Variants in SPG7 observed in about 807,000 individuals in gnomAD.
SPG7 encodes the protein mitochondrial inner membrane m-AAA protease component paraplegin.
A neutral mutation model predicts 81.9 loss-of-function variants in SPG7; 103 were observed. The ratio of observed to expected loss-of-function variants is 1.26; its 90% confidence interval spans 1.07 to 1.48. SPG7 has a LOEUF of 1.48. Ranked by LOEUF, SPG7 falls within the 40% of genes most tolerant of loss-of-function variation. The pLI is 0.00. For missense variants in SPG7, 1,241 were observed against 1,087.3 expected (o/e 1.14, Z -1.99); for synonymous variants, 534 against 444.2 (o/e 1.20, Z -2.54).
chr16:89,514,935 C>CTTTTT (rs56327708), intron 3 of SPG7, among the ~76,000 whole-genome samples: 1 of 122,536 alleles, frequency 8.2e-6, no homozygotes, highest in Non-Finnish European at 1.7e-5. Context: ...TGGCCTTGAC[C>CTTTTT]TTTTTTTTTT....
rs149632971 is a variant in SPG7 at position 89,531,225 on chromosome 16, CAT to C, written c.987+418_987+419del. The C allele has an allele frequency of 7.2e-3, 2,492 of 347,126 alleles. 52 individuals carry two copies. Among genetic ancestry groups the C allele is most frequent in the African/African-American group, 0.044 (2,058 of 46,844 alleles). The allele number at this position is 347,126 out of a possible 1,614,324, so 21.5% of individuals were successfully genotyped here. ...TAGTCCTGGCACCTCGAGGGGCTGACATGTGTTCCCTCTGCAGGCCTGGTACA... is the reference window on the plus strand; with the variant it reads ...TAGTCCTGGCACCTCGAGGGGCTGACGTGTTCCCTCTGCAGGCCTGGTACA... On this transcript the variant is annotated intron_variant, in intron 7 of 16. Coordinates refer to ENST00000645818, the MANE Select transcript of SPG7 (RefSeq NM_003119.4).
At chr16:89,517,444 A>C (rs1038876590) in intron 3 of SPG7, 3 of 152,290 alleles carry the variant, frequency 2.0e-5, no homozygotes, top group Admixed American at 2.0e-4. Flanking sequence ...GGCATGTGGT[A>C]GGTGCTTGTC....
chr16:89,553,677 C>G, intron 14 of SPG7, 117 bp from the exon 15 acceptor site: 2 of 1,002,506 alleles, frequency 2.0e-6, no homozygotes, highest in Admixed American at 3.8e-5. Context: ...GGTGGGTCCT[C>G]GGGAGGAAGG....
chr16:89,525,818 C>G (rs1016265464), intron 4 of SPG7, among the ~76,000 whole-genome samples: 4 of 152,104 alleles, frequency 2.6e-5, no homozygotes, highest in South Asian at 2.1e-4. Context: ...TTTTGCCATC[C>G]TCAGTCCCGT....
intron 5 of SPG7, among the ~76,000 whole-genome samples, chr16:89,528,035 C>CAG (rs1389604235): frequency 6.6e-6 from 1 of 152,048 alleles, no homozygotes; most frequent in Non-Finnish European, 1.5e-5. Flanking sequence ...CAGTGATGTA[C>CAG]AGAAGATGGA....
chr16:89,545,157 G>A, intron 10 of SPG7: 1 of 351,376 alleles, frequency 2.8e-6, no homozygotes, highest in Non-Finnish European at 5.6e-6. Flanking sequence ...TTCTTGTGTG[G>A]CATCACTTCC....
intron 9 of SPG7, chr16:89,536,762 C>T (rs777038912): frequency 1.2e-6 from 2 of 1,613,800 alleles, no homozygotes; most frequent in Non-Finnish European, 1.7e-6. Context: ...CTTCTCCAAC[C>T]AGGTGCCTCT....
At chr16:89,548,540 T>G (rs1597659043) in intron 12 of SPG7, 3 of 307,276 alleles carry the variant, frequency 9.8e-6, no homozygotes, top group Non-Finnish European at 1.9e-5. Flanking sequence ...AGCCGTGCTT[T>G]CAGCGCAGCA....
At chr16:89,524,393 C>T in intron 4 of SPG7, 146 bp downstream of exon 4, 3 of 924,998 alleles carry the variant, frequency 3.2e-6, no homozygotes, top group Non-Finnish European at 4.9e-6. Context: ...GGGCATGCTT[C>T]TTTCTCATGC....
chr16:89,524,306 G>C (rs1477858966), intron 4 of SPG7, 59 bp downstream of exon 4: 13 of 1,565,000 alleles, frequency 8.3e-6, no homozygotes, highest in Non-Finnish European at 1.1e-5. Flanking sequence ...GGCAGCCTGT[G>C]AGAGTGAGGC....
chr16:89,542,669 C>T (rs1048292070), intron 9 of SPG7, among the ~76,000 whole-genome samples: 4 of 152,134 alleles, frequency 2.6e-5, no homozygotes, highest in African/African-American at 9.7e-5. Flanking sequence ...TAGTGAGGCT[C>T]AGGACAGTGG....
At chr16:89,552,117 G>A (rs1251111227) in intron 13 of SPG7, 2 of 152,232 alleles carry the variant, frequency 1.3e-5, no homozygotes, top group Non-Finnish European at 2.9e-5. Context: ...GGAGTCCAGT[G>A]GTGCGATCAC....
intron 9 of SPG7, chr16:89,533,513 C>A: frequency 6.6e-6 from 1 of 152,014 alleles, no homozygotes; most frequent in Non-Finnish European, 1.5e-5. Context: ...CAGCAAAACC[C>A]AGAGGGACTG....
intron 3 of SPG7, chr16:89,519,843 A>T (rs1331175914): frequency 1.3e-5 from 2 of 152,264 alleles, no homozygotes; most frequent in African/African-American, 4.8e-5. Context: ...TCCAAGTGGG[A>T]TGAGCCTGAT....
chr16:89,531,859 C>T, intron 7 of SPG7, 45 bp from the exon 8 acceptor site: 5 of 1,609,472 alleles, frequency 3.1e-6, no homozygotes, highest in Non-Finnish European at 3.4e-6. Flanking sequence ...AACAAAAAAA[C>T]GGAATCCCCA....
In SPG7 at chr16:89,530,424, G is replaced by A. The variant is rs186697272; in HGVS notation, c.862-259G>A. The A allele has an allele frequency of 5.3e-4, 275 of 517,458 alleles. 1 individual carries two copies. The highest frequency in any genetic ancestry group is 4.8e-3 in the African/African-American group (249 of 52,192). The allele number at this position is 517,458 out of a possible 1,614,324, so 32.1% of individuals were successfully genotyped here. A position where few individuals can be genotyped will look rare whatever the true frequency, so the allele number is the denominator to read the frequency against. On this transcript the variant is annotated intron_variant, in intron 6 of 16. Coordinates refer to ENST00000645818, the MANE Select transcript of SPG7 (RefSeq NM_003119.4). ...CTCCCAAAGTGCTAGGATTACAGGC[G>A]TGAGCCACCATGCCTGGCTGAGTAA...
In SPG7 at chr16:89,508,960, G is replaced by C. The variant is rs75386303; in HGVS notation, c.183+360G>C. On this transcript the variant is annotated intron_variant, in intron 1 of 16. Coordinates refer to ENST00000645818, the MANE Select transcript of SPG7 (RefSeq NM_003119.4). ...CAGTCCACGCCTGTGGATCGATTCC[G>C]TCACCAGGAATTCCAGCGCCTTCCA... is the stretch of plus-strand genomic sequence containing the variant. 3.6e-4 allele frequency: 181 copies of C among 498,874 alleles called. 2 individuals carry two copies. The highest frequency in any genetic ancestry group is 2.8e-3 in the African/African-American group (147 of 51,878). 30.9% of individuals were successfully genotyped at this position (498,874 alleles called of 1,614,324 possible). A position where few individuals can be genotyped will look rare whatever the true frequency, so the allele number is the denominator to read the frequency against.
In SPG7 at chr16:89,529,420, C is replaced by T. The variant is rs527828481; in HGVS notation, c.759-57C>T. On this transcript the variant is annotated intron_variant, in intron 5 of 16. Transcript: ENST00000645818. ...CCAGCAGTGGTTCTGATTTGGAAGC[C>T]TGCGTCTGTCACGTGACACCGTCTG... The T allele has an allele frequency of 5.4e-5, 62 of 1,155,974 alleles. 1 individual carries two copies. The South Asian group carries it at 7.9e-4, about 15-fold the overall frequency. The allele number at this position is 1,155,974 out of a possible 1,614,324, so 71.6% of individuals were successfully genotyped here. A position where few individuals can be genotyped will look rare whatever the true frequency, so the allele number is the denominator to read the frequency against.
intron 9 of SPG7, chr16:89,537,385 G>A (rs1000039255): frequency 9.1e-6 from 10 of 1,103,588 alleles, no homozygotes; most frequent in East Asian, 6.6e-5. Flanking sequence ...GGGGAGCGTC[G>A]GCGCTGACCA....
Sources: allele counts gnomAD v4.1 joint callset (sites outside exome capture counted in the v4.1 genomes callset), GRCh38; gene constraint gnomAD v4.1.1; transcripts MANE v1.5; gene names NCBI Gene and HGNC (gene_info 2026-07-23, HGNC 2026-07-21).